The following HS2ST1 variants were observed in gnomAD, a reference collection of about 807,000 sequenced individuals.
HS2ST1 encodes the protein 2-O-sulfotransferase.
In HS2ST1, 18 loss-of-function variants were observed where a neutral mutation model predicts 42.9. The ratio of observed to expected loss-of-function variants is 0.42; its 90% CI spans 0.29 to 0.62. The LOEUF (loss-of-function observed/expected upper bound fraction) is 0.62, where lower values mean the gene tolerates loss of function less well. Among genes scored for constraint, HS2ST1 ranks in the 20% least tolerant of loss-of-function variants. The pLI is 0.21. For synonymous variants in HS2ST1, 146 were observed against 152.9 expected (o/e 0.95, Z 0.33); for missense variants, 334 against 433.8 (o/e 0.77, Z 2.04).
At chr1:87,037,995 G>T (rs1251296236) in intron 1 of HS2ST1, among the ~76,000 whole-genome samples, 1 of 151,934 alleles carries the variant, frequency 6.6e-6, no homozygotes, top group African/African-American at 2.4e-5. Flanking sequence ...AAATAAAATT[G>T]CATGGCATAT....
chr1:87,015,233 G>A (rs551863688), intron 1 of HS2ST1, among the ~76,000 whole-genome samples: 1 of 152,098 alleles, frequency 6.6e-6, no homozygotes, highest in East Asian at 1.9e-4. Flanking sequence ...ATTTTTAATA[G>A]AGACGGGTTT....
chr1:87,079,183 G>A (rs546728619), intron 2 of HS2ST1, among the ~76,000 whole-genome samples: 1 of 151,868 alleles, frequency 6.6e-6, no homozygotes, highest in Admixed American at 6.6e-5. Context: ...GCTGGACCAG[G>A]CTGGAGTGCA....
intron 1 of HS2ST1, among the ~76,000 whole-genome samples, chr1:86,945,246 GAT>G (rs2102179816): frequency 6.6e-6 from 1 of 152,290 alleles, no homozygotes; most frequent in East Asian, 1.9e-4. Flanking sequence ...CAACATAAGA[GAT>G]GTGATATGGT....
chr1:87,087,829 T>C (rs2100646830), intron 3 of HS2ST1, among the ~76,000 whole-genome samples: 1 of 152,218 alleles, frequency 6.6e-6, no homozygotes, highest in East Asian at 1.9e-4. Context: ...TTCTACAGCA[T>C]TGATCCTGTA....
intron 1 of HS2ST1, among the ~76,000 whole-genome samples, chr1:86,994,515 A>G (rs1649043382): frequency 6.6e-6 from 1 of 152,200 alleles, no homozygotes; most frequent in African/African-American, 2.4e-5. Flanking sequence ...GAGCTGTAAT[A>G]TGAGATTGAA....
intron 2 of HS2ST1, among the ~76,000 whole-genome samples, chr1:87,083,331 C>T (rs112214480): frequency 9.7e-4 from 147 of 152,248 alleles, no homozygotes; most frequent in South Asian, 3.9e-3. Context: ...CAGATGGTTT[C>T]GGTGCGGTAC....
In HS2ST1 at chr1:86,951,769, A is replaced by G. The variant is rs142604899; in HGVS notation, c.124+36609A>G. The stretch of plus-strand genomic sequence containing the variant: ...ACAGTAGAAATTCCTTCAAAATTGG[A>G]GTCAATCTCAAACCCTGATGCTGCT... On this transcript the variant is annotated intron_variant, in intron 1 of 6. Transcript: ENST00000370550. 1.3e-3 allele frequency among the ~76,000 whole-genome samples: 205 copies of G among 152,342 alleles called. 2 individuals are homozygous for G. The highest frequency in any genetic ancestry group is 4.8e-3 in the African/African-American group (198 of 41,580).
intron 1 of HS2ST1, among the ~76,000 whole-genome samples, chr1:87,035,494 G>A (rs746938659): frequency 1.3e-5 from 2 of 152,130 alleles, no homozygotes; most frequent in Non-Finnish European, 2.9e-5. Context: ...TCTGATGTTT[G>A]TACATGCCCA....
intron 1 of HS2ST1, among the ~76,000 whole-genome samples, chr1:86,924,186 T>A (rs1660363625): frequency 6.6e-6 from 1 of 152,220 alleles, no homozygotes; most frequent in South Asian, 2.1e-4. Flanking sequence ...ATCCTTTGAC[T>A]CCATGTCTCA....
At chr1:86,980,995 T>C (rs1018231172) in intron 1 of HS2ST1, among the ~76,000 whole-genome samples, 2 of 152,188 alleles carry the variant, frequency 1.3e-5, no homozygotes, top group Non-Finnish European at 2.9e-5. Flanking sequence ...AGAGGTTTAA[T>C]TGACATACAG....
At chr1:86,928,942 C>T (rs946656944) in intron 1 of HS2ST1, among the ~76,000 whole-genome samples, 30 of 151,986 alleles carry the variant, frequency 2.0e-4, no homozygotes, top group African/African-American at 7.2e-4. Flanking sequence ...AAGATGCCAT[C>T]GTGTGCCCTT....
intron 1 of HS2ST1, among the ~76,000 whole-genome samples, chr1:87,023,499 T>C (rs1159428537): frequency 6.6e-6 from 1 of 152,066 alleles, no homozygotes; most frequent in Non-Finnish European, 1.5e-5. Context: ...GAATAGTATG[T>C]ATAACATGCT....
chr1:86,917,062 T>G (rs778280536), intron 1 of HS2ST1, among the ~76,000 whole-genome samples: 1 of 152,098 alleles, frequency 6.6e-6, no homozygotes, highest in Non-Finnish European at 1.5e-5. Context: ...TCATAAAAAG[T>G]AGTAAATATG....
At chr1:87,048,032 CATCTT>C (rs1251954587) in intron 1 of HS2ST1, among the ~76,000 whole-genome samples, 10 of 152,100 alleles carry the variant, frequency 6.6e-5, no homozygotes, top group Non-Finnish European at 1.3e-4. Context: ...GGAGAATTGA[CATCTT>C]AACAGTAGTC....
chr1:87,062,235 A>G (rs1471429548), intron 1 of HS2ST1, among the ~76,000 whole-genome samples: 1 of 148,956 alleles, frequency 6.7e-6, no homozygotes, highest in Non-Finnish European at 1.5e-5. Flanking sequence ...ATTTCTATTT[A>G]TTTGTCTTCT....
intron 1 of HS2ST1, among the ~76,000 whole-genome samples, chr1:87,012,868 G>A (rs1233783021): frequency 1.3e-5 from 2 of 152,202 alleles, no homozygotes; most frequent in African/African-American, 2.4e-5. Flanking sequence ...ATGCAAGTCC[G>A]AAATCCAGTG....
Position 86,914,746 on chromosome 1 carries a change from G to A in HS2ST1, c.-291G>A, listed in dbSNP as rs568226002. ...GGCGCGGGGGTCGGGGACTGAGGCA[G>A]TAGAGGGAGGCGAGAGCCCGGCAGC... is the stretch of plus-strand genomic sequence containing the variant. On this transcript the variant is annotated 5_prime_UTR_variant, in exon 1 of 7. Coordinates refer to ENST00000370550, the MANE Select transcript of HS2ST1 (RefSeq NM_012262.4). 68 of 451,380 alleles carry A rather than the reference G, an allele frequency of 1.5e-4. No individual in the cohort carries two copies. Among genetic ancestry groups the A allele is most frequent in the Admixed American group, 1.4e-3 (35 of 24,764 alleles). 28.0% of individuals were successfully genotyped at this position (451,380 alleles called of 1,614,324 possible). A position where few individuals can be genotyped will look rare whatever the true frequency, so the allele number is the denominator to read the frequency against.
rs1042225954 is a variant in HS2ST1, at chr1:86,914,734, G to A, written c.-303G>A. The A allele has an allele frequency of 1.0e-5, 4 of 388,128 alleles. No individual in the cohort carries two copies. The East Asian group carries it at 2.3e-4, about 22-fold the overall frequency. The allele number at this position is 388,128 out of a possible 1,614,324, so 24.0% of individuals were successfully genotyped here. On this transcript the variant is annotated 5_prime_UTR_variant, in exon 1 of 7. Transcript: ENST00000370550. Reference sequence around the variant, plus strand: ...GGCAAGCAGGCGGGCGCGGGGGTCGGGGACTGAGGCAGTAGAGGGAGGCGA... The same window carrying A: ...GGCAAGCAGGCGGGCGCGGGGGTCGAGGACTGAGGCAGTAGAGGGAGGCGA...
intron 4 of HS2ST1, among the ~76,000 whole-genome samples, chr1:87,093,589 T>C (rs919786616): frequency 1.3e-5 from 2 of 152,092 alleles, no homozygotes; most frequent in African/African-American, 4.8e-5. Context: ...ATTACCAGTT[T>C]ACCTACTGTC....
Sources: gnomAD v4.1 joint callset for allele counts (sites outside exome capture counted in the v4.1 genomes callset) on GRCh38, gnomAD v4.1.1 for gene constraint, MANE v1.5 for transcripts, NCBI Gene and HGNC (gene_info 2026-07-23, HGNC 2026-07-21) for gene names.